Variants in SLC25A21 observed in about 807,000 individuals in gnomAD.
SLC25A21 encodes the protein solute carrier family 25 member 21, also known as mitochondrial 2-oxodicarboxylate carrier.
SLC25A21 carries 47 observed loss-of-function variants against 43.8 expected under a neutral mutation model. The observed-to-expected ratio is 1.07, with a 90% CI of 0.85 to 1.37. The LOEUF (loss-of-function observed/expected upper bound fraction) is 1.37, where lower values mean the gene tolerates loss of function less well. Among genes scored for constraint, SLC25A21 ranks in the 40% most tolerant of loss-of-function variants. SLC25A21 has a pLI of 0.00. For missense variants in SLC25A21, 352 were observed against 350.2 expected (o/e 1.00, Z -0.04); for synonymous variants, 131 against 121.3 (o/e 1.08, Z -0.52).
At chr14:37,077,049 T>C (rs1222352895) in intron 1 of SLC25A21, among the ~76,000 whole-genome samples, 1 of 152,220 alleles carries the variant, frequency 6.6e-6, no homozygotes, top group Admixed American at 6.5e-5. Flanking sequence ...GTTTGTAACA[T>C]TAAACCCCAA....
intron 1 of SLC25A21, among the ~76,000 whole-genome samples, chr14:37,056,317 C>T (rs953713984): frequency 6.6e-5 from 10 of 151,888 alleles, no homozygotes; most frequent in Non-Finnish European, 1.3e-4. Flanking sequence ...AGTGAAACCC[C>T]GTCTCTACTA....
intron 1 of SLC25A21, among the ~76,000 whole-genome samples, chr14:36,982,682 G>T (rs1960056050): frequency 6.6e-6 from 1 of 152,002 alleles, no homozygotes; most frequent in Admixed American, 6.6e-5. Flanking sequence ...GGGCATGGTG[G>T]CACACACCTG....
intron 3 of SLC25A21, among the ~76,000 whole-genome samples, chr14:36,764,399 G>A (rs1886321345): frequency 6.6e-6 from 1 of 151,400 alleles, no homozygotes. Flanking sequence ...AGAAACCATG[G>A]AGAAAAAAAG....
At chr14:36,840,419 C>A (rs1445083427) in intron 2 of SLC25A21, among the ~76,000 whole-genome samples, 5 of 152,096 alleles carry the variant, frequency 3.3e-5, no homozygotes, top group African/African-American at 1.2e-4. Flanking sequence ...TATGTTATTC[C>A]TAGTCGGAAT....
intron 1 of SLC25A21, among the ~76,000 whole-genome samples, chr14:36,953,231 T>C (rs192852154): frequency 5.6e-4 from 86 of 152,322 alleles, no homozygotes; most frequent in South Asian, 4.1e-4. Flanking sequence ...CATATAAATA[T>C]AGCAAGATAT....
At chr14:37,026,284 G>T (rs1209665920) in intron 1 of SLC25A21, among the ~76,000 whole-genome samples, 2 of 152,066 alleles carry the variant, frequency 1.3e-5, no homozygotes, top group East Asian at 3.8e-4. Flanking sequence ...GCTAGACAAG[G>T]TAGAGACATC....
chr14:36,903,449 T>A (rs1484164958), intron 1 of SLC25A21, among the ~76,000 whole-genome samples: 3 of 151,348 alleles, frequency 2.0e-5, no homozygotes, highest in African/African-American at 7.3e-5. Context: ...CCGTCTCTAC[T>A]AAAAATACAA....
At chr14:36,984,310 T>C (rs974508306) in intron 1 of SLC25A21, among the ~76,000 whole-genome samples, 2 of 152,136 alleles carry the variant, frequency 1.3e-5, no homozygotes, top group African/African-American at 4.8e-5. Flanking sequence ...AAGCTGCTCA[T>C]GATATTGTTT....
At chr14:37,001,009 G>A (rs61989484) in intron 1 of SLC25A21, among the ~76,000 whole-genome samples, 30,434 of 151,860 alleles carry the variant, frequency 0.2, 3,291 homozygotes, top group East Asian at 0.36. Flanking sequence ...CACCTTCTCC[G>A]ACCACCCTAT....
At chr14:36,723,400 A>T (rs945794779) in intron 6 of SLC25A21, among the ~76,000 whole-genome samples, 1 of 152,344 alleles carries the variant, frequency 6.6e-6, no homozygotes, top group South Asian at 2.1e-4. Flanking sequence ...TACTTTGCTA[A>T]ATTCTAAATA....
chr14:37,005,086 G>A (rs1195737941), intron 1 of SLC25A21, among the ~76,000 whole-genome samples: 3 of 151,828 alleles, frequency 2.0e-5, no homozygotes, highest in South Asian at 2.1e-4. Context: ...CGGAATAATC[G>A]AATCCCCTAA....
At position 36,874,970 on chromosome 14, in the gene SLC25A21, A is replaced by T. The variant is rs1253710680; in HGVS notation, c.105T>A (p.Asp35Glu). Residue 35 changes from aspartate to glutamate, a missense_variant, in exon 2 of 10, where the codon GAT becomes GAA. Physicochemically the swap from Asp to Glu is conservative, Grantham distance 45. Coordinates refer to ENST00000331299, the MANE Select transcript of SLC25A21 (RefSeq NM_030631.4). The part of the protein sequence containing the change: ...LVEICLMHPL[D>E]VVKTRFQIQR... ...CAGAACCTTACCTGGTTTTCACCAC[A>T]TCTAGGGGGTGCATCAGGCAAATTT... is the stretch of plus-strand genomic sequence containing the variant. 6.2e-7 allele frequency: 1 copy of T among 1,611,602 alleles called. No individual in the cohort carries two copies.
rs4605059 is a variant in SLC25A21 at position 36,679,834 on chromosome 14, A to G, written c.*824T>C. ...TTCCAATTTGTGATTTAACATGACA[A>G]TATCTCATCAACAAAACTTATCTTC... On this transcript the variant is annotated 3_prime_UTR_variant, in exon 10 of 10. Transcript: ENST00000331299. The G allele has an allele frequency of 0.5, 494,416 of 979,952 alleles. 126,117 individuals are homozygous for G. The highest frequency in any genetic ancestry group is 0.61 in the Admixed American group (9,971 of 16,254). 60.7% of individuals were successfully genotyped at this position (979,952 alleles called of 1,614,324 possible). A position where few individuals can be genotyped will look rare whatever the true frequency, so the allele number is the denominator to read the frequency against.
intron 1 of SLC25A21, among the ~76,000 whole-genome samples, chr14:37,169,555 T>C (rs1159975223): frequency 7.0e-6 from 1 of 143,734 alleles, no homozygotes; most frequent in Non-Finnish European, 1.5e-5. Flanking sequence ...GAATGTATCT[T>C]TGGCCTTTAC....
intron 1 of SLC25A21, among the ~76,000 whole-genome samples, chr14:37,141,869 T>C (rs991382285): frequency 2.2e-4 from 34 of 152,328 alleles, no homozygotes; most frequent in Non-Finnish European, 4.7e-4. Context: ...TCCTCAAGGA[T>C]AGTATTTCTC....
At chr14:36,790,521 T>C (rs2138399138) in intron 3 of SLC25A21, among the ~76,000 whole-genome samples, 1 of 152,236 alleles carries the variant, frequency 6.6e-6, no homozygotes, top group African/African-American at 2.4e-5. Context: ...AAAAAATTAT[T>C]TTGCACATGA....
chr14:36,991,591 ATAT>A (rs1316336044), intron 1 of SLC25A21, among the ~76,000 whole-genome samples: 3 of 152,188 alleles, frequency 2.0e-5, no homozygotes, highest in Non-Finnish European at 2.9e-5. Context: ...AAGGGAGGTA[ATAT>A]TATTATTTCC....
At chr14:36,723,066 T>C (rs992040463) in intron 6 of SLC25A21, among the ~76,000 whole-genome samples, 11 of 152,328 alleles carry the variant, frequency 7.2e-5, no homozygotes, top group African/African-American at 2.6e-4. Context: ...CTAAAGGTTA[T>C]CTATCCCCTT....
intron 4 of SLC25A21, among the ~76,000 whole-genome samples, chr14:36,733,488 T>C (rs1324165569): frequency 2.0e-5 from 3 of 152,186 alleles, no homozygotes; most frequent in Non-Finnish European, 4.4e-5. Flanking sequence ...TTCAATCCTA[T>C]TAAATTGCCA....
Sources: allele counts gnomAD v4.1 joint callset (sites outside exome capture counted in the v4.1 genomes callset), GRCh38; gene constraint gnomAD v4.1.1; transcripts MANE v1.5; gene names NCBI Gene and HGNC (gene_info 2026-07-23, HGNC 2026-07-21).